Variants in LRP1B observed in about 807,000 individuals in gnomAD.
LRP1B encodes low-density lipoprotein receptor-related protein 1B.
In LRP1B, 217 loss-of-function variants were observed where a neutral mutation model predicts 556.6. The observed-to-expected ratio is 0.39, with a 90% CI of 0.35 to 0.44. The LOEUF is 0.44. Among genes scored for constraint, LRP1B ranks in the 20% least tolerant of loss-of-function variants. The probability of loss-of-function intolerance (pLI) is 1.00; values close to 1 mark genes in which losing one functional copy is unlikely to be tolerated. For missense variants in LRP1B, 5,053 were observed against 5,620.8 expected (o/e 0.90, Z 3.23); for synonymous variants, 2,047 against 1,865.8 (o/e 1.10, Z -2.50).
At chr2:141,461,827 A>G (rs1323118697) in intron 3 of LRP1B, among the ~76,000 whole-genome samples, 5 of 152,228 alleles carry the variant, frequency 3.3e-5, no homozygotes, top group Non-Finnish European at 7.3e-5. Flanking sequence ...TTCATCATCT[A>G]ACCACAAATG....
intron 1 of LRP1B, among the ~76,000 whole-genome samples, chr2:141,999,013 G>A (rs868478944): frequency 3.3e-5 from 5 of 152,168 alleles, no homozygotes; most frequent in African/African-American, 7.2e-5. Context: ...CAGCTTTGTC[G>A]GCCATTTCAA....
At chr2:141,537,538 T>A (rs1685109870) in intron 2 of LRP1B, among the ~76,000 whole-genome samples, 1 of 152,152 alleles carries the variant, frequency 6.6e-6, no homozygotes, top group African/African-American at 2.4e-5. Context: ...TTAACCTGAA[T>A]ATCAATTTCA....
intron 2 of LRP1B, among the ~76,000 whole-genome samples, chr2:141,684,947 G>A (rs1264607466): frequency 2.0e-5 from 3 of 152,036 alleles, no homozygotes; most frequent in Non-Finnish European, 2.9e-5. Flanking sequence ...AAGAAAAAGG[G>A]GAGAATGACT....
intron 2 of LRP1B, among the ~76,000 whole-genome samples, chr2:141,703,926 C>G (rs1257263323): frequency 6.6e-6 from 1 of 151,834 alleles, no homozygotes; most frequent in Non-Finnish European, 1.5e-5. Context: ...ACAAAGGATG[C>G]CTGAAGTTGC....
intron 43 of LRP1B, among the ~76,000 whole-genome samples, chr2:140,584,187 T>C (rs1022023376): frequency 2.0e-5 from 3 of 152,014 alleles, no homozygotes; most frequent in East Asian, 1.9e-4. Context: ...TCAAGAACAA[T>C]ACAAAAAATA....
chr2:141,833,348 G>A (rs1697169728), intron 1 of LRP1B, among the ~76,000 whole-genome samples: 1 of 151,740 alleles, frequency 6.6e-6, no homozygotes, highest in Non-Finnish European at 1.5e-5. Context: ...GACTTAGAGT[G>A]TATTATTAAT....
chr2:140,764,713 C>A (rs1159100072), intron 35 of LRP1B, among the ~76,000 whole-genome samples: 1 of 152,166 alleles, frequency 6.6e-6, no homozygotes, highest in African/African-American at 2.4e-5. Flanking sequence ...CATACACAAA[C>A]AGCCTTGCCC....
At position 140,526,250 on chromosome 2, in the gene LRP1B, A is replaced by G. The variant is rs138828526; in HGVS notation, c.7863T>C (p.Asp2621=). The G allele has an allele frequency of 6.2e-7, 1 of 1,611,430 alleles. No homozygotes were observed. Among genetic ancestry groups the G allele is most frequent in the Non-Finnish European group, 8.5e-7 (1 of 1,178,182 alleles). Reference sequence around the variant, plus strand: ...GGAATATCTTACTGCAGTTCTTTTCATCTGAAGCATCTGCACAATCTATGT... The same window carrying G: ...GGAATATCTTACTGCAGTTCTTTTCGTCTGAAGCATCTGCACAATCTATGT... ...NQNIDCADAS[D]EKNCNNTDCT... is the part of the protein sequence containing the mutation. Residue 2621 remains aspartate (D), a synonymous_variant, in exon 48 of 91, where the codon GAT becomes GAC. Coordinates refer to ENST00000389484, the MANE Select transcript of LRP1B (RefSeq NM_018557.3).
intron 32 of LRP1B, among the ~76,000 whole-genome samples, chr2:140,807,140 C>A (rs1690746694): frequency 1.3e-5 from 2 of 151,856 alleles, no homozygotes; most frequent in South Asian, 2.1e-4. Context: ...GCATTAGTGA[C>A]CAGGAAAATG....
intron 2 of LRP1B, among the ~76,000 whole-genome samples, chr2:141,615,465 G>A (rs1688262290): frequency 6.6e-6 from 1 of 152,098 alleles, no homozygotes; most frequent in Non-Finnish European, 1.5e-5. Flanking sequence ...TATGAGTTAA[G>A]AAATGAAGGA....
At chr2:141,235,660 C>G (rs73962867) in intron 5 of LRP1B, among the ~76,000 whole-genome samples, 16,586 of 152,088 alleles carry the variant, frequency 0.11, 1,009 homozygotes, top group East Asian at 0.16. Context: ...CAGGGTACAA[C>G]ACGCATAACT....
chr2:141,565,459 A>G (rs1686299085), intron 2 of LRP1B, among the ~76,000 whole-genome samples: 1 of 152,238 alleles, frequency 6.6e-6, no homozygotes, highest in African/African-American at 2.4e-5. Flanking sequence ...CTGCAGAGAA[A>G]GAGTCTGCAA....
chr2:141,067,392 T>A (rs1355287226), intron 7 of LRP1B, among the ~76,000 whole-genome samples: 1 of 152,032 alleles, frequency 6.6e-6, no homozygotes, highest in African/African-American at 2.4e-5. Flanking sequence ...TTTATTGATC[T>A]TTACTTGTTT....
At chr2:140,972,597 G>A (rs10204227) in intron 18 of LRP1B, among the ~76,000 whole-genome samples, 1 of 11,810 alleles carries the variant, frequency 8.5e-5, no homozygotes, top group Non-Finnish European at 3.1e-4. Flanking sequence ...AGGAAACATG[G>A]GAAAAATGGG....
chr2:141,756,823 C>T (rs1296981981), intron 2 of LRP1B, among the ~76,000 whole-genome samples: 1 of 152,076 alleles, frequency 6.6e-6, no homozygotes. Flanking sequence ...GGTATACCAT[C>T]TAGGTTTGTG....
chr2:141,717,457 G>A (rs554610991), intron 2 of LRP1B, among the ~76,000 whole-genome samples: 1 of 152,262 alleles, frequency 6.6e-6, no homozygotes, highest in Non-Finnish European at 1.5e-5. Context: ...CAAATATCAG[G>A]TGCCACACTT....
At chr2:140,569,261 T>C (rs1362996539) in intron 43 of LRP1B, among the ~76,000 whole-genome samples, 1 of 151,952 alleles carries the variant, frequency 6.6e-6, no homozygotes, top group Admixed American at 6.6e-5. Flanking sequence ...AATTAAAACA[T>C]ATAGACTGGC....
chr2:140,375,883 T>C (rs975330064), intron 68 of LRP1B, among the ~76,000 whole-genome samples: 3 of 152,154 alleles, frequency 2.0e-5, no homozygotes, highest in Admixed American at 2.0e-4. Context: ...TTCTTCTTTG[T>C]TGTTTTGTTA....
At chr2:141,535,274 C>T (rs1685034612) in intron 2 of LRP1B, among the ~76,000 whole-genome samples, 1 of 152,124 alleles carries the variant, frequency 6.6e-6, no homozygotes, top group African/African-American at 2.4e-5. Context: ...AATCTATTTT[C>T]CCAGTAGCTG....
Sources: allele counts gnomAD v4.1 joint callset (sites outside exome capture counted in the v4.1 genomes callset), GRCh38; gene constraint gnomAD v4.1.1; transcripts MANE v1.5; gene names NCBI Gene and HGNC (gene_info 2026-07-23, HGNC 2026-07-21).